Variants in TSPAN8 observed in about 807,000 individuals in gnomAD.
TSPAN8 encodes tetraspanin 8, also known as tetraspanin-8.
TSPAN8 carries 21 observed loss-of-function variants against 32.8 expected under a neutral mutation model. The observed-to-expected ratio is 0.64, with a 90% CI of 0.45 to 0.92. TSPAN8 has a LOEUF of 0.92. TSPAN8 is among the 40% of genes least tolerant of loss of function. The pLI is 0.00. For synonymous variants in TSPAN8, 95 were observed against 94.6 expected (o/e 1.00, Z -0.03); for missense variants, 269 against 281.9 (o/e 0.95, Z 0.33).
rs1414803347 is a variant in TSPAN8, at chr12:71,129,351, A to G, written c.640T>C (p.Phe214Leu). ...TGTACCTCAATAACTGCCAGTCCAA[A>G]TGATATTCCAATAACTATAATCAAA... ...KNLIIVIGIS[F>L]GLAVIEILGL... The change falls in exon 8 of 9, where the codon TTT becomes CTT. Residue 214 changes from phenylalanine to leucine, a missense_variant. Transcript: ENST00000247829. The G allele has an allele frequency of 3.8e-6, 6 of 1,589,134 alleles. No homozygotes were observed. In the African/African-American group the frequency reaches 6.8e-5, roughly 18 times the overall value.
intron 2 of TSPAN8, chr12:71,157,019 G>A (rs1403104020): frequency 2.0e-5 from 3 of 152,222 alleles, no homozygotes; most frequent in South Asian, 4.2e-4. Context: ...TCAATTAAAA[G>A]GTAGGGTGAT....
chr12:71,146,652 C>A (rs1005938225), intron 2 of TSPAN8, among the ~76,000 whole-genome samples: 8 of 152,166 alleles, frequency 5.3e-5, no homozygotes, highest in African/African-American at 1.9e-4. Flanking sequence ...GTGGAACTGA[C>A]TAGGCCTACC....
At chr12:71,131,490 T>C (rs3896814) in intron 7 of TSPAN8, among the ~76,000 whole-genome samples, 1 of 151,508 alleles carries the variant, frequency 6.6e-6, no homozygotes, top group African/African-American at 2.4e-5. Flanking sequence ...TTATAAATTA[T>C]TTTCAGTAGC....
intron 2 of TSPAN8, among the ~76,000 whole-genome samples, chr12:71,156,096 T>A (rs1344098282): frequency 6.6e-6 from 1 of 151,964 alleles, no homozygotes; most frequent in African/African-American, 2.4e-5. Context: ...ACAGACAAAA[T>A]TATATATCTG....
At chr12:71,126,307 A>G (rs1871347671) in intron 8 of TSPAN8, among the ~76,000 whole-genome samples, 1 of 152,232 alleles carries the variant, frequency 6.6e-6, no homozygotes, top group South Asian at 2.1e-4. Flanking sequence ...AATTCTCTGC[A>G]AAAGTAATAA....
At chr12:71,128,655 T>A (rs1495383) in intron 8 of TSPAN8, among the ~76,000 whole-genome samples, 1,649 of 139,426 alleles carry the variant, frequency 0.012, 39 homozygotes, top group Admixed American at 0.037. Context: ...TTTTTTTTTT[T>A]AAAAAAAAAA....
chr12:71,144,509 T>C (rs1025683868), intron 2 of TSPAN8, among the ~76,000 whole-genome samples: 9 of 152,186 alleles, frequency 5.9e-5, no homozygotes, highest in African/African-American at 2.2e-4. Context: ...TCTAGCCCTG[T>C]GTTTCTGCTA....
chr12:71,151,306 A>G (rs1462221772), intron 2 of TSPAN8, among the ~76,000 whole-genome samples: 1 of 151,988 alleles, frequency 6.6e-6, no homozygotes, highest in Non-Finnish European at 1.5e-5. Flanking sequence ...CTTGTGATCC[A>G]CCCACCTTGG....
In TSPAN8 at chr12:71,125,387, T is replaced by A; in HGVS notation, c.661A>T (p.Ile221Leu). 6.2e-7 allele frequency: 1 copy of A among 1,610,756 alleles called. No homozygotes were observed. Among genetic ancestry groups the A allele is most frequent in the Non-Finnish European group, 8.5e-7 (1 of 1,178,808 alleles). ...GISFGLAVIE[I>L]LGLVFSMVLY... ...ACCATAGAAAACACCAAACCCAGTA[T>A]CTAGAGAACAAAATAACAGGATTAA... is the stretch of plus-strand genomic sequence containing the variant. Residue 221 changes from isoleucine (I) to leucine (L), a missense_variant and splice_region_variant, in exon 9 of 9, where the codon ATA becomes TTA. Transcript: ENST00000247829.
chr12:71,149,953 G>A (rs1332632496), intron 2 of TSPAN8, among the ~76,000 whole-genome samples: 3 of 152,178 alleles, frequency 2.0e-5, no homozygotes, highest in Non-Finnish European at 2.9e-5. Context: ...TGCAAGTAGG[G>A]AAGATATTGC....
At chr12:71,157,388 C>A in intron 2 of TSPAN8, 1 of 429,030 alleles carries the variant, frequency 2.3e-6, no homozygotes, top group South Asian at 4.7e-5. Context: ...AATATGAAAA[C>A]ATTTATGAAA....
chr12:71,133,239 AC>A lies in TSPAN8; in HGVS notation c.445-416del, dbSNP rs1444425474. On this transcript the variant is annotated intron_variant, in intron 6 of 8. Transcript: ENST00000247829. The stretch of plus-strand genomic sequence containing the variant: ...GCTGGGATTACAGGCATGCTGCACC[AC>A]CACGCCCAGCTAATTTTTGTATTTT... Among the ~76,000 whole-genome samples the A allele has an allele frequency of 3.9e-5, 6 of 152,126 alleles. No homozygotes were observed. In the East Asian group the frequency reaches 1.2e-3, roughly 29 times the overall value.
intron 2 of TSPAN8, among the ~76,000 whole-genome samples, chr12:71,152,776 G>A (rs898649960): frequency 6.6e-6 from 1 of 152,056 alleles, no homozygotes. Flanking sequence ...TTCCATCAAC[G>A]GACACAATAA....
chr12:71,149,312 G>A (rs1016580038), intron 2 of TSPAN8, among the ~76,000 whole-genome samples: 1 of 150,462 alleles, frequency 6.6e-6, no homozygotes, highest in African/African-American at 2.4e-5. Context: ...AGGTTGCAGT[G>A]AGCTAAGATC....
chr12:71,154,663 C>A (rs1416797284), intron 2 of TSPAN8, among the ~76,000 whole-genome samples: 2 of 152,112 alleles, frequency 1.3e-5, no homozygotes, highest in East Asian at 3.8e-4. Flanking sequence ...TTTGGAACAT[C>A]TTTAATAAAA....
At chr12:71,131,858 C>G (rs1159070557) in intron 7 of TSPAN8, among the ~76,000 whole-genome samples, 1 of 151,862 alleles carries the variant, frequency 6.6e-6, no homozygotes, top group Non-Finnish European at 1.5e-5. Flanking sequence ...GCACCCATCT[C>G]TATCCAAGAG....
chr12:71,136,308 C>A (rs1419067467), intron 6 of TSPAN8, among the ~76,000 whole-genome samples: 1 of 152,120 alleles, frequency 6.6e-6, no homozygotes, highest in Non-Finnish European at 1.5e-5. Flanking sequence ...TAAGAAATAA[C>A]ATACTAATCA....
chr12:71,127,946 T>A (rs1450601799), intron 8 of TSPAN8, among the ~76,000 whole-genome samples: 1 of 152,206 alleles, frequency 6.6e-6, no homozygotes, highest in Non-Finnish European at 1.5e-5. Flanking sequence ...ATCATTCATG[T>A]AAAATCACTC....
rs1323091851 is a variant in TSPAN8 at position 71,129,317 on chromosome 12, A to G, written c.660+14T>C. The G allele has an allele frequency of 4.5e-6, 7 of 1,559,814 alleles. No individual in the cohort carries two copies. Among genetic ancestry groups the G allele is most frequent in the Non-Finnish European group, 6.1e-6 (7 of 1,156,642 alleles). The stretch of plus-strand genomic sequence containing the variant: ...AGGGAATAAAAGAGTCAATAATACA[A>G]GATTATACTGTACCTCAATAACTGC... On this transcript the variant is annotated intron_variant, in intron 8 of 8. Transcript: ENST00000247829.
Sources: allele counts gnomAD v4.1 joint callset (sites outside exome capture counted in the v4.1 genomes callset), GRCh38; gene constraint gnomAD v4.1.1; transcripts MANE v1.5; gene names NCBI Gene and HGNC (gene_info 2026-07-23, HGNC 2026-07-21).